The following PLXDC2 variants were observed in gnomAD, a reference collection of about 807,000 sequenced individuals.
PLXDC2 encodes plexin domain-containing protein 2.
A neutral mutation model predicts 68.9 loss-of-function variants in PLXDC2; 40 were observed. The observed-to-expected ratio is 0.58, with a 90% CI of 0.45 to 0.76. PLXDC2 has a LOEUF of 0.76. PLXDC2 is among the 30% of genes least tolerant of loss of function. The pLI, the probability that PLXDC2 is intolerant of heterozygous loss-of-function variation, is 0.00. For missense variants in PLXDC2, 644 were observed against 661.9 expected, an observed-to-expected ratio of 0.97 and a Z score of 0.30; for synonymous variants, 243 against 234.2, an observed-to-expected ratio of 1.04 and a Z score of -0.34.
intron 1 of PLXDC2, among the ~76,000 whole-genome samples, chr10:19,865,124 G>A (rs1263146741): frequency 2.0e-5 from 3 of 152,166 alleles, no homozygotes; most frequent in African/African-American, 4.8e-5. Flanking sequence ...TAGTTGTTAG[G>A]TTGTCTCTGC....
chr10:20,046,356 G>A (rs1353280142), intron 2 of PLXDC2, among the ~76,000 whole-genome samples: 1 of 151,814 alleles, frequency 6.6e-6, no homozygotes, highest in Non-Finnish European at 1.5e-5. Context: ...TCAAAACTTA[G>A]AAGGAAATAT....
intron 1 of PLXDC2, among the ~76,000 whole-genome samples, chr10:19,829,044 C>G (rs1195323329): frequency 2.6e-5 from 4 of 152,008 alleles, no homozygotes; most frequent in African/African-American, 7.3e-5. Flanking sequence ...CCTGTTTGAC[C>G]TCTTCAGGTT....
At chr10:20,249,485 C>A (rs1366940207) in intron 13 of PLXDC2, among the ~76,000 whole-genome samples, 1 of 152,186 alleles carries the variant, frequency 6.6e-6, no homozygotes, top group Non-Finnish European at 1.5e-5. Flanking sequence ...TTTTCAGCTT[C>A]CACATGCCGC....
At chr10:19,911,611 C>T (rs1315334541) in intron 1 of PLXDC2, among the ~76,000 whole-genome samples, 1 of 152,092 alleles carries the variant, frequency 6.6e-6, no homozygotes, top group Non-Finnish European at 1.5e-5. Context: ...GAAGTCATCT[C>T]GTTTCACCTT....
At chr10:19,923,045 TG>T (rs1012985365) in intron 1 of PLXDC2, among the ~76,000 whole-genome samples, 1 of 152,012 alleles carries the variant, frequency 6.6e-6, no homozygotes, top group Admixed American at 6.6e-5. Context: ...AAGTGCTATT[TG>T]GCCAAGATTG....
chr10:19,867,120 C>T (rs921783441), intron 1 of PLXDC2, among the ~76,000 whole-genome samples: 3 of 140,818 alleles, frequency 2.1e-5, no homozygotes, highest in African/African-American at 8.1e-5. Flanking sequence ...GGCTGGAGTG[C>T]AATGTTGCGA....
chr10:19,840,360 G>A (rs1051824827), intron 1 of PLXDC2, among the ~76,000 whole-genome samples: 27 of 152,092 alleles, frequency 1.8e-4, no homozygotes, highest in African/African-American at 5.8e-4. Flanking sequence ...TTCCTAGATG[G>A]AGGATTTAGG....
At chr10:20,239,839 T>G (rs1835491751) in intron 12 of PLXDC2, among the ~76,000 whole-genome samples, 2 of 152,194 alleles carry the variant, frequency 1.3e-5, no homozygotes, top group Non-Finnish European at 1.5e-5. Flanking sequence ...TCAAGCAGTC[T>G]TCCCTAGAGG....
chr10:20,277,358 A>G (rs1359671824), intron 13 of PLXDC2, among the ~76,000 whole-genome samples: 1 of 152,152 alleles, frequency 6.6e-6, no homozygotes, highest in African/African-American at 2.4e-5. Context: ...AAAAGTTAGC[A>G]GAAGGAGGCA....
At chr10:19,966,103 C>CAGTAAAGTCAT (rs1319658786) in intron 1 of PLXDC2, among the ~76,000 whole-genome samples, 5 of 151,076 alleles carry the variant, frequency 3.3e-5, no homozygotes, top group Non-Finnish European at 7.4e-5. Context: ...AAAAAACACA[C>CAGTAAAGTCAT]AGTAAAGTCA....
chr10:19,837,385 TGAGAGAGA>T (rs149222127), intron 1 of PLXDC2, among the ~76,000 whole-genome samples: 3 of 139,196 alleles, frequency 2.2e-5, no homozygotes, highest in African/African-American at 5.3e-5. Flanking sequence ...ATTGAGTAAG[TGAGAGAGA>T]GAGAGAGAGA....
intron 1 of PLXDC2, among the ~76,000 whole-genome samples, chr10:19,908,648 T>G (rs901294641): frequency 5.9e-5 from 9 of 152,102 alleles, no homozygotes; most frequent in Non-Finnish European, 8.8e-5. Flanking sequence ...GAATGTAAGT[T>G]TAGGATCAAG....
intron 9 of PLXDC2, among the ~76,000 whole-genome samples, chr10:20,187,666 C>T (rs1834704672): frequency 6.6e-6 from 1 of 151,724 alleles, no homozygotes; most frequent in Admixed American, 6.6e-5. Flanking sequence ...AATGCTTTAG[C>T]TTTTAGAAAA....
At chr10:20,265,778 A>G (rs564534108) in intron 13 of PLXDC2, among the ~76,000 whole-genome samples, 15 of 152,318 alleles carry the variant, frequency 9.8e-5, no homozygotes, top group Admixed American at 3.9e-4. Flanking sequence ...GTAGTTGCAC[A>G]ATTAAAGATT....
At chr10:20,267,744 A>T (rs1835888917) in intron 13 of PLXDC2, among the ~76,000 whole-genome samples, 1 of 151,104 alleles carries the variant, frequency 6.6e-6, no homozygotes, top group Non-Finnish European at 1.5e-5. Context: ...ACCCCTGAGT[A>T]TTATACCATT....
chr10:20,232,669 A>T (rs1835380852), intron 12 of PLXDC2, among the ~76,000 whole-genome samples: 1 of 152,200 alleles, frequency 6.6e-6, no homozygotes, highest in Non-Finnish European at 1.5e-5. Flanking sequence ...TTTCAAGTAA[A>T]ATCAAGCTAA....
Position 20,177,301 on chromosome 10 carries a change from G to A in PLXDC2, c.980-27G>A, listed in dbSNP as rs200191125. On this transcript the variant is annotated intron_variant, in intron 8 of 13. Coordinates refer to ENST00000377252, the MANE Select transcript of PLXDC2 (RefSeq NM_032812.9). ...CCCTCCAAGTTGCCTGTTAGTCTTGGTGAATCTGTTCTTTCCTCTTCCCTA... is the reference window on the plus strand; with the variant it reads ...CCCTCCAAGTTGCCTGTTAGTCTTGATGAATCTGTTCTTTCCTCTTCCCTA... The A allele has an allele frequency of 3.2e-6, 5 of 1,542,106 alleles. No homozygotes were observed. The Admixed American group carries it at 6.7e-5, about 21-fold the overall frequency.
rs189029184 is a variant in PLXDC2 at position 19,928,900 on chromosome 10, G to A, written c.113-72875G>A. Among the ~76,000 whole-genome samples, 160 of 151,654 alleles carry A rather than the reference G, an allele frequency of 1.1e-3. No homozygotes were observed. The Middle Eastern group carries it at 0.014, about 13-fold the overall frequency. On this transcript the variant is annotated intron_variant, in intron 1 of 13. Transcript: ENST00000377252. ...CTCCCAAATAGCTTGGATTACAGGC[G>A]TGTGCCACCATGTCCAGCTAATTTT... is the stretch of plus-strand genomic sequence containing the variant.
intron 1 of PLXDC2, among the ~76,000 whole-genome samples, chr10:19,950,865 A>G (rs1833980426): frequency 6.6e-6 from 1 of 152,336 alleles, no homozygotes; most frequent in South Asian, 2.1e-4. Context: ...CAACCATCTA[A>G]TTGTTGACAG....
Sources: gnomAD v4.1 joint callset for allele counts (sites outside exome capture counted in the v4.1 genomes callset) on GRCh38, gnomAD v4.1.1 for gene constraint, MANE v1.5 for transcripts, NCBI Gene and HGNC (gene_info 2026-07-23, HGNC 2026-07-21) for gene names.